Variants in NSMCE2 observed in about 807,000 individuals in gnomAD.
The protein encoded by NSMCE2 is E3 SUMO-protein ligase NSE2.
NSMCE2 carries 24 observed loss-of-function variants against 23.8 expected under a neutral mutation model. The ratio of observed to expected loss-of-function variants is 1.01; its 90% CI spans 0.73 to 1.42. The LOEUF (loss-of-function observed/expected upper bound fraction) is 1.42. NSMCE2 is among the 40% of genes most tolerant of loss of function. The pLI, the probability that NSMCE2 is intolerant of heterozygous loss-of-function variation, is 0.00. For missense variants in NSMCE2, 284 were observed against 296.5 expected (o/e 0.96, Z 0.31); for synonymous variants, 92 against 94.1 (o/e 0.98, Z 0.13).
chr8:125,365,814 GC>G (rs1202958416), intron 7 of NSMCE2, among the ~76,000 whole-genome samples: 6 of 152,198 alleles, frequency 3.9e-5, no homozygotes, highest in Non-Finnish European at 8.8e-5. Context: ...CTGAGATCAC[GC>G]CACTGCACCC....
chr8:125,231,880 A>G (rs1004501904), intron 5 of NSMCE2, among the ~76,000 whole-genome samples: 1 of 152,210 alleles, frequency 6.6e-6, no homozygotes, highest in African/African-American at 2.4e-5. Context: ...CTTTCTTTTT[A>G]ACACTTAAGA....
intron 5 of NSMCE2, among the ~76,000 whole-genome samples, chr8:125,243,192 C>T (rs1243194890): frequency 6.6e-6 from 1 of 152,130 alleles, no homozygotes; most frequent in Non-Finnish European, 1.5e-5. Flanking sequence ...ATAGAGAATA[C>T]ATTCAATAAT....
In NSMCE2 at chr8:125,237,819, G is replaced by A. The variant is rs111893026; in HGVS notation, c.418+55563G>A. Among the ~76,000 whole-genome samples, 1,002 of 152,252 alleles carry A rather than the reference G, an allele frequency of 6.6e-3. 20 individuals carry two copies. The highest frequency in any genetic ancestry group is 0.023 in the African/African-American group (956 of 41,548). On this transcript the variant is annotated intron_variant, in intron 5 of 7. Coordinates refer to ENST00000287437, the MANE Select transcript of NSMCE2 (RefSeq NM_173685.4). Reference sequence around the variant, plus strand: ...CAGACTGCTGGATTCCCCAGGTGATGCCCATCTGCATCGTTTTGTGCCATG... The same window carrying A: ...CAGACTGCTGGATTCCCCAGGTGATACCCATCTGCATCGTTTTGTGCCATG...
At chr8:125,112,731 G>A (rs1818825988) in intron 3 of NSMCE2, among the ~76,000 whole-genome samples, 1 of 152,122 alleles carries the variant, frequency 6.6e-6, no homozygotes, top group Non-Finnish European at 1.5e-5. Flanking sequence ...GGTTACCAAG[G>A]GATTGGGGAA....
Position 125,195,879 on chromosome 8 carries a change from C to CTTT in NSMCE2, c.418+13646_418+13648dup, listed in dbSNP as rs34687223. On this transcript the variant is annotated intron_variant, in intron 5 of 7. Coordinates refer to ENST00000287437, the MANE Select transcript of NSMCE2 (RefSeq NM_173685.4). ...TCATTACATTCTTTTTCCTGAATAA[C>CTTT]TTTTTTTTTTTTTTTTTTTTTTTTT... Among the ~76,000 whole-genome samples the CTTT allele has an allele frequency of 4.1e-3, 341 of 83,668 alleles. 1 individual carries two copies. Among genetic ancestry groups the CTTT allele is most frequent in the Non-Finnish European group, 5.1e-3 (243 of 47,958 alleles). 54.9% of individuals were successfully genotyped at this position (83,668 alleles called of 152,430 possible).
chr8:125,340,012 G>GTTTTTTTT (rs752038710), intron 5 of NSMCE2, among the ~76,000 whole-genome samples: 7 of 102,830 alleles, frequency 6.8e-5, no homozygotes, highest in African/African-American at 1.1e-4. Context: ...GTTTTTTTTT[G>GTTTTTTTT]TTTTTTTTTT....
chr8:125,190,970 A>G (rs1823317437), intron 5 of NSMCE2, among the ~76,000 whole-genome samples: 1 of 152,098 alleles, frequency 6.6e-6, no homozygotes, highest in Non-Finnish European at 1.5e-5. Flanking sequence ...TCCCAGGTTC[A>G]AGTGATTCTC....
chr8:125,142,521 AC>A (rs1820430281), intron 3 of NSMCE2, among the ~76,000 whole-genome samples: 3 of 151,920 alleles, frequency 2.0e-5, no homozygotes, highest in Admixed American at 2.0e-4. Flanking sequence ...TTTGTAAAGA[AC>A]CCCTGACACT....
At chr8:125,331,273 C>A (rs962010092) in intron 5 of NSMCE2, among the ~76,000 whole-genome samples, 3 of 152,100 alleles carry the variant, frequency 2.0e-5, no homozygotes, top group Admixed American at 6.6e-5. Flanking sequence ...GCACTCCAGC[C>A]TGGGTGACAG....
rs532529830 is a variant in NSMCE2 at position 125,236,263 on chromosome 8, G to T, written c.418+54007G>T. Among the ~76,000 whole-genome samples, 5 of 152,158 alleles carry T rather than the reference G, an allele frequency of 3.3e-5. No individual in the cohort carries two copies. The East Asian group carries it at 9.7e-4, about 29-fold the overall frequency. On this transcript the variant is annotated intron_variant, in intron 5 of 7. Coordinates refer to ENST00000287437, the MANE Select transcript of NSMCE2 (RefSeq NM_173685.4). ...TATAGACCTGGTGGTAGCTGTACGG[G>T]ATAATTATTTTCTAAATTTAAAGTA...
chr8:125,190,363 CA>C (rs1308056214), intron 5 of NSMCE2, among the ~76,000 whole-genome samples: 2 of 152,166 alleles, frequency 1.3e-5, no homozygotes, highest in African/African-American at 2.4e-5. Context: ...GATCAAGTGA[CA>C]TGCCCAAGAA....
At chr8:125,158,168 T>A (rs1821422254) in intron 4 of NSMCE2, among the ~76,000 whole-genome samples, 1 of 152,012 alleles carries the variant, frequency 6.6e-6, no homozygotes, top group Non-Finnish European at 1.5e-5. Context: ...TGTGGCAGAG[T>A]TTCTTGTGGC....
intron 5 of NSMCE2, among the ~76,000 whole-genome samples, chr8:125,222,794 TGG>T (rs1377649362): frequency 6.6e-6 from 1 of 152,126 alleles, no homozygotes; most frequent in Non-Finnish European, 1.5e-5. Context: ...CGGGGTGCAG[TGG>T]CACGACCTGT....
chr8:125,158,340 G>A (rs1227771526), intron 4 of NSMCE2, among the ~76,000 whole-genome samples: 2 of 152,146 alleles, frequency 1.3e-5, no homozygotes, highest in East Asian at 3.9e-4. Flanking sequence ...CTTAGTCTGT[G>A]TTTGAAGCAA....
intron 5 of NSMCE2, among the ~76,000 whole-genome samples, chr8:125,234,448 GTCTTTCTTGCTCTGAA>G (rs1184064019): frequency 6.6e-5 from 10 of 152,156 alleles, no homozygotes; most frequent in African/African-American, 1.4e-4. Flanking sequence ...CTTGCTCTGA[GTCTTTCTTGCTCTGAA>G]TCTTTCTTGC....
intron 5 of NSMCE2, among the ~76,000 whole-genome samples, chr8:125,188,737 A>G (rs1823217791): frequency 6.6e-6 from 1 of 152,204 alleles, no homozygotes; most frequent in South Asian, 2.1e-4. Context: ...TTTTGCTTTC[A>G]GGATACTGCG....
At chr8:125,331,161 T>A (rs7010240) in intron 5 of NSMCE2, among the ~76,000 whole-genome samples, 1 of 151,646 alleles carries the variant, frequency 6.6e-6, no homozygotes. Flanking sequence ...TTAGCCGGAC[T>A]TGGTGGCAGG....
intron 3 of NSMCE2, among the ~76,000 whole-genome samples, chr8:125,144,198 A>G (rs760175916): frequency 3.9e-5 from 6 of 152,184 alleles, no homozygotes; most frequent in Non-Finnish European, 7.4e-5. Flanking sequence ...CCTGGGCCTC[A>G]GGGATTCTCT....
chr8:125,176,413 C>T lies in NSMCE2; in HGVS notation c.265-5690C>T, dbSNP rs1348476899. Among the ~76,000 whole-genome samples the T allele has an allele frequency of 2.0e-5, 3 of 152,154 alleles. No individual in the cohort carries two copies. In the East Asian group the frequency reaches 5.8e-4, roughly 29 times the overall value. On this transcript the variant is annotated intron_variant, in intron 4 of 7. Coordinates refer to ENST00000287437, the MANE Select transcript of NSMCE2 (RefSeq NM_173685.4). ...TTACACTTTTTCTTTTTAAACTCTT[C>T]TAGCCGCCCTTAAAATGTGATATCC...
Sources: gnomAD v4.1 joint callset for allele counts (sites outside exome capture counted in the v4.1 genomes callset) on GRCh38, gnomAD v4.1.1 for gene constraint, MANE v1.5 for transcripts, NCBI Gene and HGNC (gene_info 2026-07-23, HGNC 2026-07-21) for gene names.